MAPRE2: variants seen among roughly 807,000 people sequenced by gnomAD.
MAPRE2 encodes the protein microtubule associated protein RP/EB family member 2.
MAPRE2 carries 13 observed loss-of-function variants against 43.2 expected under a neutral mutation model. That is an observed-to-expected ratio of 0.30 (90% CI 0.20 to 0.48). MAPRE2 has a LOEUF of 0.48. MAPRE2 is among the 20% of genes least tolerant of loss of function. The pLI is 0.99. For synonymous variants in MAPRE2, 135 were observed against 148.8 expected (o/e 0.91, Z 0.68); for missense variants, 161 against 400.2 (o/e 0.40, Z 5.10).
chr18:35,041,365 C>A, upstream of MAPRE2: 1 of 1,452,586 alleles, frequency 6.9e-7, no homozygotes, highest in Admixed American at 2.7e-5. Flanking sequence ...CTGACGTCAG[C>A]TGCCAGAGGG....
chr18:35,108,452 A>T (rs1057072777), intron 4 of MAPRE2, among the ~76,000 whole-genome samples: 1 of 152,178 alleles, frequency 6.6e-6, no homozygotes, highest in Non-Finnish European at 1.5e-5. Flanking sequence ...GTGTCTTTAT[A>T]GCAGAATGAT....
intron 1 of MAPRE2, among the ~76,000 whole-genome samples, chr18:34,988,067 A>G (rs2097021919): frequency 6.6e-6 from 1 of 152,154 alleles, no homozygotes; most frequent in Non-Finnish European, 1.5e-5. Context: ...TCACCAGCAA[A>G]TCTCTTTTGT....
rs139660571 is a variant in MAPRE2, at chr18:35,119,741, C to A, written c.611-7207C>A. ...TGAAGCTGAGCATATTTACATGATG[C>A]AGTTGTGCATCTTTATACAGTAGTT... On this transcript the variant is annotated intron_variant, in intron 4 of 6. Transcript: ENST00000300249. Among the ~76,000 whole-genome samples, 978 of 152,276 alleles carry A rather than the reference C, an allele frequency of 6.4e-3. 8 individuals are homozygous for A. The highest frequency in any genetic ancestry group is 0.019 in the African/African-American group (794 of 41,546).
intron 5 of MAPRE2, among the ~76,000 whole-genome samples, chr18:35,128,740 A>G (rs1910014861): frequency 6.6e-6 from 1 of 152,112 alleles, no homozygotes; most frequent in African/African-American, 2.4e-5. Flanking sequence ...TAAGGAACCC[A>G]AATTCTTTTG....
intron 1 of MAPRE2, among the ~76,000 whole-genome samples, chr18:35,068,359 C>T (rs2150621562): frequency 6.6e-6 from 1 of 152,180 alleles, no homozygotes; most frequent in East Asian, 1.9e-4. Context: ...TGGAACATCT[C>T]GTCATATTGG....
chr18:35,114,024 C>T (rs1839188885), intron 4 of MAPRE2, among the ~76,000 whole-genome samples: 1 of 152,136 alleles, frequency 6.6e-6, no homozygotes, highest in Admixed American at 6.5e-5. Context: ...TATTATTACC[C>T]TCCACTTTAA....
chr18:35,060,767 T>G (rs911376852), intron 1 of MAPRE2, among the ~76,000 whole-genome samples: 11 of 152,346 alleles, frequency 7.2e-5, no homozygotes, highest in African/African-American at 2.2e-4. Flanking sequence ...CTAAGCCCTG[T>G]ATGCAAGGAG....
intron 2 of MAPRE2, among the ~76,000 whole-genome samples, chr18:35,011,820 C>G (rs961985505): frequency 6.6e-6 from 1 of 152,142 alleles, no homozygotes; most frequent in African/African-American, 2.4e-5. Flanking sequence ...GTTATTCATT[C>G]ATCTAGCGAA....
intron 1 of MAPRE2, among the ~76,000 whole-genome samples, chr18:35,062,326 G>T (rs1422381293): frequency 6.6e-6 from 1 of 152,190 alleles, no homozygotes; most frequent in Non-Finnish European, 1.5e-5. Flanking sequence ...TTAGAAAGAT[G>T]CCACTTCTAA....
At chr18:35,122,802 C>T (rs752364465) in intron 4 of MAPRE2, among the ~76,000 whole-genome samples, 1 of 152,216 alleles carries the variant, frequency 6.6e-6, no homozygotes, top group Non-Finnish European at 1.5e-5. Context: ...AGGCCACCAC[C>T]TGACCTTTGC....
At position 35,142,121 on chromosome 18, in the gene MAPRE2, T is replaced by C. The variant is rs951368680; in HGVS notation, c.*1752T>C. Reference sequence around the variant, plus strand: ...TAGCAGCAGCTTATTTCTCTAAGGCTGGACAGCCTGGCTCTCGGCAGTGAC... The same window carrying C: ...TAGCAGCAGCTTATTTCTCTAAGGCCGGACAGCCTGGCTCTCGGCAGTGAC... On this transcript the variant is annotated 3_prime_UTR_variant, in exon 7 of 7. Coordinates refer to ENST00000300249, the MANE Select transcript of MAPRE2 (RefSeq NM_014268.4). 2.0e-5 allele frequency: 3 copies of C among 152,294 alleles called. No individual in the cohort carries two copies. The highest frequency in any genetic ancestry group is 4.4e-5 in the Non-Finnish European group (3 of 68,082). 9.4% of individuals were successfully genotyped at this position (152,294 alleles called of 1,614,324 possible). A position where few individuals can be genotyped will look rare whatever the true frequency, so the allele number is the denominator to read the frequency against.
chr18:35,009,655 T>G (rs772329814), intron 2 of MAPRE2, among the ~76,000 whole-genome samples: 6 of 152,198 alleles, frequency 3.9e-5, no homozygotes, highest in South Asian at 2.1e-4. Context: ...GTCCCCTAAA[T>G]GAGTACATTT....
intron 2 of MAPRE2, among the ~76,000 whole-genome samples, chr18:35,090,498 A>G (rs1028049408): frequency 1.3e-5 from 2 of 152,076 alleles, no homozygotes; most frequent in African/African-American, 2.4e-5. Flanking sequence ...TTGGGAGTCC[A>G]AGGCAGGAAG....
At chr18:35,039,638 GTAAAAC>G (rs2097052528), upstream of MAPRE2, among the ~76,000 whole-genome samples, 1 of 152,198 alleles carries the variant, frequency 6.6e-6, no homozygotes, top group Non-Finnish European at 1.5e-5. Context: ...CATCTGGGTT[GTAAAAC>G]ATTTGATTCT....
intron 2 of MAPRE2, among the ~76,000 whole-genome samples, chr18:35,018,298 G>A (rs1169021555): frequency 6.6e-6 from 1 of 151,678 alleles, no homozygotes. Flanking sequence ...TGCCAGGTTT[G>A]GGTATCAGGT....
chr18:35,022,621 T>A (rs2097042647), intron 2 of MAPRE2, among the ~76,000 whole-genome samples: 1 of 152,180 alleles, frequency 6.6e-6, no homozygotes, highest in African/African-American at 2.4e-5. Context: ...ATGGAGGTAA[T>A]ACCACTTGAT....
intron 3 of MAPRE2, among the ~76,000 whole-genome samples, chr18:35,099,459 T>C (rs1324057020): frequency 6.6e-6 from 1 of 152,074 alleles, no homozygotes; most frequent in Non-Finnish European, 1.5e-5. Flanking sequence ...TACAAAATTT[T>C]TTTTTAATTG....
chr18:35,102,328 C>T (rs1220969915), intron 4 of MAPRE2, among the ~76,000 whole-genome samples, 169 bp downstream of exon 4: 1 of 152,168 alleles, frequency 6.6e-6, no homozygotes, highest in Non-Finnish European at 1.5e-5. Context: ...TCCTGTGACC[C>T]ATTTGTCATT....
intron 2 of MAPRE2, among the ~76,000 whole-genome samples, chr18:35,014,324 T>C (rs2097036758): frequency 6.6e-6 from 1 of 150,932 alleles, no homozygotes; most frequent in Non-Finnish European, 1.5e-5. Flanking sequence ...TTTAGAAGCA[T>C]TGAGATCCAC....
Sources: allele counts gnomAD v4.1 joint callset (sites outside exome capture counted in the v4.1 genomes callset), GRCh38; gene constraint gnomAD v4.1.1; transcripts MANE v1.5; gene names NCBI Gene and HGNC (gene_info 2026-07-23, HGNC 2026-07-21).